MAGEA11: variants seen among roughly 807,000 people sequenced by gnomAD.
The protein encoded by MAGEA11 is MAGE family member A11.
In MAGEA11, 1 loss-of-function variant was observed where a neutral mutation model predicts 8.4. That is an observed-to-expected ratio of 0.12 (90% CI 0.04 to 0.57). MAGEA11 has a LOEUF of 0.57. MAGEA11 is among the 20% of genes least tolerant of loss of function. MAGEA11 has a pLI of 0.91. For synonymous variants in MAGEA11, 127 were observed against 119.3 expected (o/e 1.06, Z -0.42); for missense variants, 209 against 317.3 (o/e 0.66, Z 2.59).
At chrX:149,688,521 C>T (rs1384873202), upstream of MAGEA11, among the ~76,000 whole-genome samples, 1 of 111,318 alleles carries the variant, frequency 9.0e-6, no homozygotes, top group East Asian at 2.8e-4. Context: ...TCTGAAGCTG[C>T]TTCGGGAACC....
At chrX:149,710,373 A>G (rs1337898708), upstream of MAGEA11, among the ~76,000 whole-genome samples, 1 of 112,457 alleles carries the variant, frequency 8.9e-6, no homozygotes, top group African/African-American at 3.2e-5. Context: ...TATTTTTTCA[A>G]AAATTGACAG....
chrX:149,698,502 A>G (rs1163968604), intron 1 of MAGEA11, among the ~76,000 whole-genome samples: 1 of 111,570 alleles, frequency 9.0e-6, no homozygotes. Flanking sequence ...ATTGTTGGTA[A>G]AGGCAGTCAT....
chrX:149,704,774 C>A (rs1381114466), intron 1 of MAGEA11, among the ~76,000 whole-genome samples: 1 of 112,455 alleles, frequency 8.9e-6, no homozygotes, highest in Non-Finnish European at 1.9e-5. Context: ...TGCTGTGTAC[C>A]TGCCTGGCCT....
chrX:149,694,039 G>T (rs1384151927), intron 1 of MAGEA11, among the ~76,000 whole-genome samples: 1 of 111,925 alleles, frequency 8.9e-6, no homozygotes, highest in East Asian at 2.8e-4. Context: ...ATGTACAAGT[G>T]TTTGATTATT....
At chrX:149,696,122 T>C (rs2090329466) in intron 1 of MAGEA11, among the ~76,000 whole-genome samples, 2 of 111,013 alleles carry the variant, frequency 1.8e-5, no homozygotes, top group African/African-American at 6.6e-5. Flanking sequence ...GGTGATGCGG[T>C]TGGAGGAGCA....
Position 149,713,010 on chromosome X carries a change from G to A in MAGEA11, c.-17-133G>A, listed in dbSNP as rs2090409273. 7 of 462,432 alleles carry A rather than the reference G, an allele frequency of 1.5e-5. No homozygotes were observed. The Admixed American group carries it at 2.7e-4, about 18-fold the overall frequency. 38.1% of individuals were successfully genotyped at this position (462,432 alleles called of 1,213,427 possible). On this transcript the variant is annotated intron_variant, in intron 1 of 4. Coordinates refer to ENST00000355220, the MANE Select transcript of MAGEA11 (RefSeq NM_005366.5). ...GCTTGGTATCATGAGAAAGACCTAG[G>A]GGGAGCACAGACAGGGCTCAGTCCC... is the stretch of plus-strand genomic sequence containing the variant.
At chrX:149,705,094 C>T (rs1171914930) in intron 1 of MAGEA11, among the ~76,000 whole-genome samples, 1 of 112,514 alleles carries the variant, frequency 8.9e-6, no homozygotes, top group Non-Finnish European at 1.9e-5. Flanking sequence ...GCCCTGGGAT[C>T]AAGGATAAAA....
chrX:149,709,163 A>C (rs2090389355), upstream of MAGEA11, among the ~76,000 whole-genome samples: 1 of 109,076 alleles, frequency 9.2e-6, no homozygotes, highest in African/African-American at 3.3e-5. Flanking sequence ...CGCACACCTG[A>C]AATCCTAGCT....
At chrX:149,705,434 C>G (rs1557361386) in intron 1 of MAGEA11, among the ~76,000 whole-genome samples, 1 of 112,345 alleles carries the variant, frequency 8.9e-6, no homozygotes, top group African/African-American at 3.2e-5. Context: ...CTTCCGCCAT[C>G]ATTGTGAGGC....
chrX:149,716,966 G>T lies in MAGEA11; in HGVS notation c.*190G>T. The T allele has an allele frequency of 8.1e-6, 3 of 369,485 alleles. No homozygotes were observed. Among genetic ancestry groups the T allele is most frequent in the Non-Finnish European group, 1.4e-5 (3 of 214,415 alleles). The allele number at this position is 369,485 out of a possible 1,213,427, so 30.4% of individuals were successfully genotyped here. A position where few individuals can be genotyped will look rare whatever the true frequency, so the allele number is the denominator to read the frequency against. On this transcript the variant is annotated 3_prime_UTR_variant, in exon 5 of 5. Transcript: ENST00000355220. ...GGGAACACATTGTATACTGCCTTTA[G>T]GTTTCTCTTCCATCGGGTGACTTGG... is the stretch of plus-strand genomic sequence containing the variant.
At chrX:149,710,958 AG>A (rs2090397604), upstream of MAGEA11, among the ~76,000 whole-genome samples, 1 of 111,785 alleles carries the variant, frequency 8.9e-6, no homozygotes, top group Non-Finnish European at 1.9e-5. Context: ...GAAGAGTGGC[AG>A]GGAAGTTGGG....
chrX:149,711,508 C>T (rs2090399931), upstream of MAGEA11, among the ~76,000 whole-genome samples: 1 of 111,782 alleles, frequency 8.9e-6, no homozygotes, highest in African/African-American at 3.3e-5. Flanking sequence ...AAGCACCTAG[C>T]CTGGGATCCG....
At chrX:149,697,924 C>A (rs1557360694) in intron 1 of MAGEA11, among the ~76,000 whole-genome samples, 1 of 111,964 alleles carries the variant, frequency 8.9e-6, no homozygotes, top group Non-Finnish European at 1.9e-5. Flanking sequence ...CTGCACTTTT[C>A]TTTCCTGCCA....
At chrX:149,704,088 C>G (rs1424265553) in intron 1 of MAGEA11, among the ~76,000 whole-genome samples, 1 of 112,392 alleles carries the variant, frequency 8.9e-6, no homozygotes, top group African/African-American at 3.2e-5. Context: ...AACTATTGCC[C>G]TATCAATATG....
chrX:149,695,432 T>C (rs1403285622), intron 1 of MAGEA11, among the ~76,000 whole-genome samples: 8 of 111,649 alleles, frequency 7.2e-5, no homozygotes, highest in Non-Finnish European at 1.5e-4. Flanking sequence ...AAAACCTTTT[T>C]GTGCTCTAAA....
chrX:149,708,958 T>C (rs781916842), upstream of MAGEA11, among the ~76,000 whole-genome samples: 4 of 104,585 alleles, frequency 3.8e-5, no homozygotes, highest in African/African-American at 1.4e-4. Flanking sequence ...GCCATTAAAT[T>C]TGAAATCCTA....
rs782801638 is a variant in MAGEA11, at chrX:149,713,168, T to A, written c.9T>A (p.Thr3=). The A allele has an allele frequency of 4.2e-6, 5 of 1,203,663 alleles. No homozygotes were observed. In the South Asian group the frequency reaches 8.9e-5, roughly 21 times the overall value. Residue 3 remains threonine, a synonymous_variant, in exon 2 of 5, where the codon ACT becomes ACA. Coordinates refer to ENST00000355220, the MANE Select transcript of MAGEA11 (RefSeq NM_005366.5). ...CCTTGGGAATCTGAGGGATGGAGAC[T>A]CAGTTCCGCAGAGGGGGTCTGGGGT... ME[T]QFRRGGLGCS...
At chrX:149,705,434 C>A (rs1557361386) in intron 1 of MAGEA11, among the ~76,000 whole-genome samples, 1 of 112,345 alleles carries the variant, frequency 8.9e-6, no homozygotes. Context: ...CTTCCGCCAT[C>A]ATTGTGAGGC....
At chrX:149,709,104 G>T (rs2090389064), upstream of MAGEA11, among the ~76,000 whole-genome samples, 1 of 109,159 alleles carries the variant, frequency 9.2e-6, no homozygotes, top group Non-Finnish European at 1.9e-5. Flanking sequence ...GGACAATATG[G>T]TGAAACCCCG....
Sources: gnomAD v4.1 joint callset for allele counts (sites outside exome capture counted in the v4.1 genomes callset) on GRCh38, gnomAD v4.1.1 for gene constraint, MANE v1.5 for transcripts, NCBI Gene and HGNC (gene_info 2026-07-23, HGNC 2026-07-21) for gene names.